The following DPEP2 variants were observed in gnomAD, a reference collection of about 807,000 sequenced individuals.
DPEP2 encodes the protein dipeptidase 2.
In DPEP2, 45 loss-of-function variants were observed where a neutral mutation model predicts 51.8. The ratio of observed to expected loss-of-function variants is 0.87; its 90% confidence interval spans 0.68 to 1.11. DPEP2 has a LOEUF of 1.11. Among genes scored for constraint, DPEP2 ranks in the 50% most tolerant of loss-of-function variants. DPEP2 has a pLI of 0.00. For missense variants in DPEP2, 604 were observed against 631.9 expected (o/e 0.96, Z 0.47); for synonymous variants, 255 against 262.7 (o/e 0.97, Z 0.28).
intron 1 of DPEP2, among the ~76,000 whole-genome samples, chr16:67,995,770 CT>C (rs2151388729): frequency 6.6e-6 from 1 of 152,214 alleles, no homozygotes; most frequent in East Asian, 1.9e-4. Context: ...TCGAGACCAG[CT>C]TGGCCAACAT....
intron 1 of DPEP2, among the ~76,000 whole-genome samples, chr16:67,999,045 T>A (rs1376817549): frequency 6.6e-6 from 1 of 152,188 alleles, no homozygotes; most frequent in African/African-American, 2.4e-5. Context: ...GAGCCCGCAG[T>A]GGCTACCTGT....
chr16:67,989,961 G>A (rs1255997085), intron 8 of DPEP2, 86 bp downstream of exon 8: 9 of 1,425,230 alleles, frequency 6.3e-6, no homozygotes, highest in Non-Finnish European at 8.8e-6. Context: ...ATTTTTTTCA[G>A]TGAAACCACT....
chr16:67,993,361 G>GC, intron 1 of DPEP2, 104 bp from the exon 2 acceptor site: 1 of 1,303,380 alleles, frequency 7.7e-7, no homozygotes, highest in Non-Finnish European at 9.7e-7. Flanking sequence ...AAGTCACAGG[G>GC]CCCCGCGAAG....
At chr16:67,995,423 G>A (rs1028059638) in intron 1 of DPEP2, among the ~76,000 whole-genome samples, 14 of 152,190 alleles carry the variant, frequency 9.2e-5, no homozygotes, top group African/African-American at 2.6e-4. Context: ...ACAGTAGGGC[G>A]TGTCCCAGAT....
chr16:67,988,168 T>G, intron 9 of DPEP2, 181 bp from the exon 10 acceptor site: 1 of 671,758 alleles, frequency 1.5e-6, no homozygotes, highest in Non-Finnish European at 2.5e-6. Flanking sequence ...TCCTTGAATA[T>G]TTATCAAAAC....
intron 1 of DPEP2, among the ~76,000 whole-genome samples, chr16:67,998,444 C>G (rs538752570): frequency 6.6e-6 from 1 of 152,360 alleles, no homozygotes; most frequent in Non-Finnish European, 1.5e-5. Flanking sequence ...CCTTAGCTGC[C>G]TTCCCGGGGG....
chr16:67,997,338 A>C (rs991641869), intron 1 of DPEP2, among the ~76,000 whole-genome samples: 10 of 145,174 alleles, frequency 6.9e-5, no homozygotes, highest in African/African-American at 2.3e-4. Flanking sequence ...CCCTTGGCCA[A>C]ATTTTTTATT....
intron 1 of DPEP2, chr16:67,993,524 T>G: frequency 8.9e-7 from 1 of 1,120,976 alleles, no homozygotes; most frequent in Non-Finnish European, 1.1e-6. Context: ...CCCTCCCTTT[T>G]ACTCCTCCCA....
intron 1 of DPEP2, chr16:67,993,458 G>A: frequency 4.8e-6 from 6 of 1,251,630 alleles, no homozygotes; most frequent in Non-Finnish European, 6.0e-6. Flanking sequence ...CGCTCCCGCC[G>A]GCTGGGCGGA....
In DPEP2 at chr16:67,991,070, G is replaced by A. The variant is rs1415042195; in HGVS notation, c.732+45C>T. On this transcript the variant is annotated intron_variant, in intron 6 of 10. Coordinates refer to ENST00000393847, the MANE Select transcript of DPEP2 (RefSeq NM_022355.4). The surrounding 1 kb of genome is among the most constrained non-coding windows in gnomAD (Gnocchi z 5.1). ...ACATTTATTTGTAAGAAACAGCTGG[G>A]GTGTGCACATTTGTTTGGGGTGGAG... 1.2e-6 allele frequency: 2 copies of A among 1,614,084 alleles called. No homozygotes were observed. The highest frequency in any genetic ancestry group is 1.1e-5 in the South Asian group (1 of 91,084).
rs1462959359 is a variant in DPEP2, at chr16:67,987,462, T to C, written c.*44A>G. 2 of 1,580,386 alleles carry C rather than the reference T, an allele frequency of 1.3e-6. No homozygotes were observed. Among genetic ancestry groups the C allele is most frequent in the Non-Finnish European group, 8.6e-7 (1 of 1,157,038 alleles). ...CACAACAGGGGAACTTTGTGGGGTG[T>C]CTGTGGCTTGCTACAGTGACATCTG... On this transcript the variant is annotated 3_prime_UTR_variant, in exon 11 of 11. Coordinates refer to ENST00000393847, the MANE Select transcript of DPEP2 (RefSeq NM_022355.4).
intron 1 of DPEP2, chr16:67,994,042 C>T (rs2032508268): frequency 2.0e-6 from 2 of 985,508 alleles, no homozygotes; most frequent in Non-Finnish European, 2.4e-6. Flanking sequence ...GAGAGCGCAG[C>T]AAGCATCTGG....
intron 1 of DPEP2, 180 bp from the exon 2 acceptor site, chr16:67,993,437 A>T: frequency 7.9e-7 from 1 of 1,259,562 alleles, no homozygotes; most frequent in Admixed American, 3.9e-5. Context: ...TCCCGCCGTC[A>T]TCCCCAAGGG....
rs2032186363 is a variant in DPEP2, at chr16:67,991,777, TG to T, written c.662+60del. ...GGTAAAGCTTGTTCTGGGCCCACAG[TG>T]ACCTCAGGCAGATCTCTGCCCCTGC... On this transcript the variant is annotated intron_variant, in intron 5 of 10. Transcript: ENST00000393847. The surrounding 1 kb of genome is among the most constrained non-coding windows in gnomAD (Gnocchi z 5.1). 2 of 1,587,842 alleles carry T rather than the reference TG, an allele frequency of 1.3e-6. No individual in the cohort carries two copies. Among genetic ancestry groups the T allele is most frequent in the Non-Finnish European group, 8.6e-7 (1 of 1,164,480 alleles).
At chr16:67,994,304 G>A in intron 1 of DPEP2, 1 of 985,416 alleles carries the variant, frequency 1.0e-6, no homozygotes, top group Non-Finnish European at 1.2e-6. Flanking sequence ...TTATCTTGTG[G>A]CTCCTGTGGC....
intron 1 of DPEP2, chr16:67,993,711 A>G: frequency 1.0e-6 from 1 of 986,404 alleles, no homozygotes. Context: ...CCAGGGCCAC[A>G]TGTGTCCCTG....
In DPEP2 at chr16:67,993,146, G is replaced by A. The variant is rs950071573; in HGVS notation, c.67C>T (p.Leu23=). Residue 23 remains leucine, a synonymous_variant, in exon 2 of 11, where the codon CTG becomes TTG. Coordinates refer to ENST00000393847, the MANE Select transcript of DPEP2 (RefSeq NM_022355.4). ...GRWPLLSLLL[L]LLLLQPVTCA... ...GTTACAGGCTGGAGCAGCAGCAGCAGGAGCAGCAGACTCAGCAGAGGCCAC... is the reference window on the plus strand; with the variant it reads ...GTTACAGGCTGGAGCAGCAGCAGCAAGAGCAGCAGACTCAGCAGAGGCCAC... The A allele has an allele frequency of 4.6e-6, 7 of 1,535,044 alleles. No homozygotes were observed. In the African/African-American group the frequency reaches 8.2e-5, roughly 18 times the overall value.
chr16:67,993,808 G>A, intron 1 of DPEP2: 2 of 985,748 alleles, frequency 2.0e-6, no homozygotes, highest in Non-Finnish European at 2.4e-6. Flanking sequence ...GAAATGAGGG[G>A]TTAACCCTGT....
intron 7 of DPEP2, among the ~76,000 whole-genome samples, chr16:67,990,411 C>T (rs1456127906): frequency 6.6e-6 from 1 of 152,084 alleles, no homozygotes; most frequent in Admixed American, 6.6e-5. Flanking sequence ...AGATGTTCAG[C>T]CTGAAGTTGG....
Sources: gnomAD v4.1 joint callset for allele counts (sites outside exome capture counted in the v4.1 genomes callset) on GRCh38, gnomAD v4.1.1 for gene constraint, Gnocchi (gnomAD v3.1) non-coding constraint, MANE v1.5 for transcripts, NCBI Gene and HGNC (gene_info 2026-07-23, HGNC 2026-07-21) for gene names.